The following MGAT4C variants were observed in gnomAD, a reference collection of about 807,000 sequenced individuals.
MGAT4C encodes alpha-1,3-mannosyl-glycoprotein 4-beta-N-acetylglucosaminyltransferase C.
A neutral mutation model predicts 40.1 loss-of-function variants in MGAT4C; 19 were observed. The ratio of observed to expected loss-of-function variants is 0.47; its 90% CI spans 0.33 to 0.70. The LOEUF is 0.70. MGAT4C is among the 30% of genes least tolerant of loss of function. The probability of loss-of-function intolerance (pLI) is 0.02; values close to 1 mark genes in which losing one functional copy is unlikely to be tolerated. For synonymous variants in MGAT4C, 181 were observed against 187.1 expected, an observed-to-expected ratio of 0.97 and a Z score of 0.27; for missense variants, 491 against 563.2, an observed-to-expected ratio of 0.87 and a Z score of 1.30.
chr12:86,234,901 C>T (rs1951468804), intron 1 of MGAT4C, among the ~76,000 whole-genome samples: 1 of 152,010 alleles, frequency 6.6e-6, no homozygotes, highest in Admixed American at 6.6e-5. Flanking sequence ...ACCACTGCCT[C>T]CTTCCATCTT....
At chr12:86,307,829 A>T (rs1016769339) in intron 4 of MGAT4C, among the ~76,000 whole-genome samples, 3 of 149,270 alleles carry the variant, frequency 2.0e-5, no homozygotes, top group Non-Finnish European at 3.0e-5. Flanking sequence ...CAGCCTCCAG[A>T]GCTGCTGGGA....
chr12:86,491,472 G>A (rs1316405285), intron 2 of MGAT4C, among the ~76,000 whole-genome samples: 1 of 151,998 alleles, frequency 6.6e-6, no homozygotes, highest in Non-Finnish European at 1.5e-5. Context: ...TCATCCCTGG[G>A]ATGCAAGGCT....
chr12:86,367,259 G>C (rs1365809869), intron 3 of MGAT4C, among the ~76,000 whole-genome samples: 1 of 151,954 alleles, frequency 6.6e-6, no homozygotes, highest in Non-Finnish European at 1.5e-5. Context: ...AAAGTTTCTT[G>C]GGTAACTGCC....
chr12:86,455,692 A>C (rs2136290840), intron 2 of MGAT4C, among the ~76,000 whole-genome samples: 1 of 152,276 alleles, frequency 6.6e-6, no homozygotes, highest in South Asian at 2.1e-4. Flanking sequence ...GTTAAATTAG[A>C]CAATATGCAA....
chr12:86,791,431 GTT>G (rs77404320), intron 1 of MGAT4C, among the ~76,000 whole-genome samples: 5 of 144,108 alleles, frequency 3.5e-5, no homozygotes, highest in African/African-American at 5.2e-5. Flanking sequence ...GCTTTAAACT[GTT>G]TTTTTTTTTT....
chr12:86,504,521 ATTAGATTG>A (rs1958435167), intron 2 of MGAT4C, among the ~76,000 whole-genome samples: 1 of 152,116 alleles, frequency 6.6e-6, no homozygotes, highest in Admixed American at 6.6e-5. Context: ...ACTAATTCAG[ATTAGATTG>A]TTCCTCTGCT....
chr12:86,406,255 G>A (rs1345926032), intron 3 of MGAT4C, among the ~76,000 whole-genome samples: 3 of 151,190 alleles, frequency 2.0e-5, no homozygotes, highest in Non-Finnish European at 4.4e-5. Flanking sequence ...ATGGACTTCT[G>A]CCAAATTAAA....
At chr12:86,693,420 T>C (rs1200619908) in intron 2 of MGAT4C, among the ~76,000 whole-genome samples, 1 of 152,178 alleles carries the variant, frequency 6.6e-6, no homozygotes, top group Non-Finnish European at 1.5e-5. Flanking sequence ...GGCCAAACTA[T>C]GAAGTGTATT....
intron 3 of MGAT4C, among the ~76,000 whole-genome samples, chr12:86,422,802 A>C (rs955579227): frequency 6.6e-6 from 1 of 152,158 alleles, no homozygotes; most frequent in Non-Finnish European, 1.5e-5. Context: ...TTATTTTGGA[A>C]AAAAAACATA....
intron 1 of MGAT4C, among the ~76,000 whole-genome samples, chr12:86,787,723 A>C (rs763331294): frequency 6.6e-6 from 1 of 152,250 alleles, no homozygotes; most frequent in African/African-American, 2.4e-5. Flanking sequence ...AGATTTCTAT[A>C]AAGAACTTAT....
At chr12:86,188,638 A>G (rs1177205252) in intron 1 of MGAT4C, among the ~76,000 whole-genome samples, 3 of 152,010 alleles carry the variant, frequency 2.0e-5, no homozygotes, top group African/African-American at 7.2e-5. Context: ...ATTAGATGTG[A>G]TATTTTGGAA....
intron 1 of MGAT4C, among the ~76,000 whole-genome samples, chr12:86,754,497 A>G (rs1041637709): frequency 6.6e-6 from 1 of 152,180 alleles, no homozygotes; most frequent in Admixed American, 6.6e-5. Context: ...TTATATCTCA[A>G]TAAAGCTGTT....
chr12:86,263,993 T>C (rs1952723227), intron 4 of MGAT4C, among the ~76,000 whole-genome samples: 1 of 152,178 alleles, frequency 6.6e-6, no homozygotes, highest in Non-Finnish European at 1.5e-5. Flanking sequence ...TATTAATGTA[T>C]TTTGCCCACT....
chr12:86,141,568 G>C (rs1882842269), intron 1 of MGAT4C, among the ~76,000 whole-genome samples: 2 of 151,954 alleles, frequency 1.3e-5, no homozygotes, highest in Non-Finnish European at 2.9e-5. Flanking sequence ...CTATTGTATG[G>C]GCCAGCTTTA....
intron 1 of MGAT4C, among the ~76,000 whole-genome samples, chr12:86,116,516 C>T (rs1175172797): frequency 6.6e-6 from 1 of 151,728 alleles, no homozygotes. Flanking sequence ...ATTCACTTTG[C>T]CTCAGTTCTT....
intron 3 of MGAT4C, among the ~76,000 whole-genome samples, chr12:85,984,732 C>G (rs1013230355): frequency 2.0e-5 from 3 of 150,802 alleles, no homozygotes; most frequent in Non-Finnish European, 4.4e-5. Context: ...CTCTCTCTCT[C>G]TTTTTTTTTC....
At chr12:86,136,071 T>C (rs1881902653) in intron 1 of MGAT4C, among the ~76,000 whole-genome samples, 1 of 152,190 alleles carries the variant, frequency 6.6e-6, no homozygotes. Flanking sequence ...TTCTCATAGA[T>C]TAGTAATACA....
chr12:86,569,601 A>C (rs1960280957), intron 2 of MGAT4C, among the ~76,000 whole-genome samples: 1 of 152,102 alleles, frequency 6.6e-6, no homozygotes, highest in Non-Finnish European at 1.5e-5. Context: ...AGTGTTAATT[A>C]TCACAGCCAT....
chr12:86,297,560 A>G (rs1307202267), intron 4 of MGAT4C, among the ~76,000 whole-genome samples: 1 of 152,172 alleles, frequency 6.6e-6, no homozygotes, highest in Non-Finnish European at 1.5e-5. Flanking sequence ...TAGACTTTCC[A>G]AATCCCTTGT....
Sources: allele counts gnomAD v4.1 joint callset (sites outside exome capture counted in the v4.1 genomes callset), GRCh38; gene constraint gnomAD v4.1.1; transcripts MANE v1.5; gene names NCBI Gene and HGNC (gene_info 2026-07-23, HGNC 2026-07-21).